Variants in TSPAN1 observed in about 807,000 individuals in gnomAD.
The protein encoded by TSPAN1 is tetraspanin-1.
TSPAN1 carries 23 observed loss-of-function variants against 26.9 expected under a neutral mutation model. That is an observed-to-expected ratio of 0.85 (90% CI 0.62 to 1.21). TSPAN1 has a LOEUF of 1.21. Among genes scored for constraint, TSPAN1 ranks in the 50% most tolerant of loss-of-function variants. The pLI is 0.00. For missense variants in TSPAN1, 283 were observed against 298.4 expected (o/e 0.95, Z 0.38); for synonymous variants, 115 against 114.8 (o/e 1.00, Z -0.01).
chr1:46,189,464 G>A (rs747723242), downstream of TSPAN1: 2 of 1,613,540 alleles, frequency 1.2e-6, no homozygotes, highest in East Asian at 2.2e-5. Flanking sequence ...TCACGAGTAG[G>A]GGGAAGCCGG....
the TSPAN1 span, chr1:46,193,527 T>C: frequency 6.2e-7 from 1 of 1,614,086 alleles, no homozygotes; most frequent in African/African-American, 1.3e-5. Context: ...TGCTCCATGT[T>C]GTACTCCACC....
chr1:46,179,018 A>C (rs1351798872), intron 1 of TSPAN1, among the ~76,000 whole-genome samples: 2 of 152,152 alleles, frequency 1.3e-5, no homozygotes, highest in East Asian at 3.8e-4. Flanking sequence ...CTATAAAAAC[A>C]AAACAAACTT....
the TSPAN1 span, chr1:46,192,568 G>A: frequency 1.2e-6 from 2 of 1,614,128 alleles, no homozygotes; most frequent in South Asian, 2.2e-5. Flanking sequence ...TCCTCCAGTA[G>A]GTGGATGGAT....
downstream of TSPAN1, chr1:46,189,650 AC>A: frequency 6.4e-7 from 1 of 1,556,548 alleles, no homozygotes; most frequent in Non-Finnish European, 8.7e-7. Flanking sequence ...CCCAGCCCCC[AC>A]CCCTCCTCAG....
chr1:46,184,186 C>G lies in TSPAN1; in HGVS notation c.58-5C>G. The G allele has an allele frequency of 6.2e-7, 1 of 1,614,112 alleles. No individual in the cohort carries two copies. Among genetic ancestry groups the G allele is most frequent in the Non-Finnish European group, 8.5e-7 (1 of 1,179,986 alleles). The stretch of plus-strand genomic sequence containing the variant: ...TTAAGGCCTGCCTGACCTCTCTCTC[C>G]CCAGCTGTGTGGTGCAGCCCTGTTG... On this transcript the variant is annotated splice_region_variant and splice_polypyrimidine_tract_variant and intron_variant, in intron 3 of 8. Coordinates refer to ENST00000372003, the MANE Select transcript of TSPAN1 (RefSeq NM_005727.4).
rs189125158 is a variant in TSPAN1 at position 46,176,450 on chromosome 1, G to A, written c.-142+1041G>A. On this transcript the variant is annotated intron_variant, in intron 1 of 8. Transcript: ENST00000372003. The stretch of plus-strand genomic sequence containing the variant: ...CGCATGCCCTGGGGCCGAGGGCCAC[G>A]GACAAGCCGAGATGGCCCCATGGGC... The A allele has an allele frequency of 4.4e-5, 67 of 1,535,762 alleles. No homozygotes were observed. In the East Asian group the frequency reaches 9.3e-4, roughly 21 times the overall value.
downstream of TSPAN1, among the ~76,000 whole-genome samples, chr1:46,186,664 GTTT>G (rs759573351): frequency 1.4e-5 from 1 of 71,830 alleles, no homozygotes; most frequent in Non-Finnish European, 2.6e-5. Context: ...TAATTTTTGT[GTTT>G]TTTTTTTTTT....
the TSPAN1 span, chr1:46,192,163 T>G: frequency 1.4e-5 from 23 of 1,614,048 alleles, no homozygotes; most frequent in Non-Finnish European, 1.9e-5. Flanking sequence ...ACGTCAGGGA[T>G]GATGCACTCT....
Position 46,185,247 on chromosome 1 carries a change from A to G in TSPAN1, c.617A>G (p.Tyr206Cys), listed in dbSNP as rs760029426. ...AAGGGTTGCTTCAATCAGCTTTTGT[A>G]TGACATCCGAACTAATGCAGTCACC... ...KVEGCFNQLL[Y>C]DIRTNAVTVG... Residue 206 changes from tyrosine to cysteine, a missense_variant, in exon 8 of 9, where the codon TAT becomes TGT. Coordinates refer to ENST00000372003, the MANE Select transcript of TSPAN1 (RefSeq NM_005727.4). 3 of 1,614,152 alleles carry G rather than the reference A, an allele frequency of 1.9e-6. No individual in the cohort carries two copies. The highest frequency in any genetic ancestry group is 8.5e-7 in the Non-Finnish European group (1 of 1,180,040).
downstream of TSPAN1, chr1:46,190,097 C>CTTT (rs946195454): frequency 9.8e-4 from 791 of 805,856 alleles, no homozygotes; most frequent in South Asian, 2.6e-3. Context: ...CCTTGAAGTT[C>CTTT]TTTTTTTTTT....
the TSPAN1 span, chr1:46,193,237 G>A: frequency 5.6e-6 from 9 of 1,613,996 alleles, no homozygotes; most frequent in Non-Finnish European, 7.6e-6. Flanking sequence ...GTGGGAATAG[G>A]GCACATGAGC....
At chr1:46,188,752 G>C (rs188613442), downstream of TSPAN1, 37 of 1,612,228 alleles carry the variant, frequency 2.3e-5, no homozygotes, top group Non-Finnish European at 3.0e-5. Context: ...CAAAGAGAAG[G>C]CTGAGAGGAG....
At chr1:46,194,010 T>G in the TSPAN1 span, 1 of 1,585,416 alleles carries the variant, frequency 6.3e-7, no homozygotes. Flanking sequence ...CAGGTGAGGG[T>G]AGGTGCAGAC....
At chr1:46,190,008 G>C (rs1657629432), downstream of TSPAN1, 1 of 1,612,410 alleles carries the variant, frequency 6.2e-7, no homozygotes. Flanking sequence ...GAGGGTGGGA[G>C]AATATAGCCA....
downstream of TSPAN1, chr1:46,188,800 T>C: frequency 3.7e-6 from 6 of 1,612,876 alleles, no homozygotes; most frequent in Non-Finnish European, 5.1e-6. Context: ...AGTGAGTCTG[T>C]GTCAGCATGT....
At chr1:46,179,090 G>A (rs1435022910) in intron 1 of TSPAN1, among the ~76,000 whole-genome samples, 2 of 151,892 alleles carry the variant, frequency 1.3e-5, no homozygotes, top group East Asian at 3.9e-4. Context: ...ACTTTGGGAG[G>A]CTGAGGCAGA....
chr1:46,193,422 T>C, the TSPAN1 span: 3 of 1,606,322 alleles, frequency 1.9e-6, no homozygotes, highest in East Asian at 6.7e-5. Flanking sequence ...CCATGTGAGG[T>C]CACTTTCCCT....
downstream of TSPAN1, chr1:46,189,401 T>A: frequency 6.2e-7 from 1 of 1,613,984 alleles, no homozygotes; most frequent in Non-Finnish European, 8.5e-7. Context: ...AGCCATTAGC[T>A]ATATCCCTGG....
chr1:46,185,360 C>T (rs1251912598), intron 8 of TSPAN1, 52 bp downstream of exon 8: 35 of 1,610,758 alleles, frequency 2.2e-5, no homozygotes, highest in Non-Finnish European at 3.0e-5. Flanking sequence ...ACCAGGGCTG[C>T]TCAACCCATC....
Sources: allele counts gnomAD v4.1 joint callset (sites outside exome capture counted in the v4.1 genomes callset), GRCh38; gene constraint gnomAD v4.1.1; transcripts MANE v1.5; gene names NCBI Gene and HGNC (gene_info 2026-07-23, HGNC 2026-07-21).